FMR1NB: variants seen among roughly 807,000 people sequenced by gnomAD.
The protein encoded by FMR1NB is FMR1 neighbor protein.
Under a neutral mutation model 16.8 loss-of-function variants are expected in FMR1NB, and 10 were observed. The observed-to-expected ratio is 0.60, with a 90% CI of 0.37 to 1.01. The LOEUF (loss-of-function observed/expected upper bound fraction) is 1.01, where lower values mean the gene tolerates loss of function less well. Ranked by LOEUF, FMR1NB falls within the 50% of genes least tolerant of loss-of-function variation. The pLI, the probability that FMR1NB is intolerant of heterozygous loss-of-function variation, is 0.01. For missense variants in FMR1NB, 205 were observed against 204.8 expected, an observed-to-expected ratio of 1.00 and a Z score of 0.00; for synonymous variants, 83 against 79.1, an observed-to-expected ratio of 1.05 and a Z score of -0.26.
chrX:147,994,188 C>T (rs978367493), intron 1 of FMR1NB, among the ~76,000 whole-genome samples: 3 of 111,336 alleles, frequency 2.7e-5, no homozygotes, highest in African/African-American at 9.8e-5. Flanking sequence ...TTTCTCCCTG[C>T]TCTCCCTAGA....
intron 1 of FMR1NB, among the ~76,000 whole-genome samples, chrX:147,989,760 T>C (rs2044494821): frequency 9.0e-6 from 1 of 111,370 alleles, no homozygotes; most frequent in African/African-American, 3.3e-5. Flanking sequence ...ACAGCTGTTT[T>C]GCCACACTGT....
chrX:147,992,233 G>C (rs1557187705), intron 1 of FMR1NB, among the ~76,000 whole-genome samples: 2 of 99,904 alleles, frequency 2.0e-5, no homozygotes, highest in Admixed American at 1.0e-4. Context: ...CAGTAGGGGT[G>C]GCTGGGCAGA....
At chrX:148,011,552 C>T (rs537649806) in intron 4 of FMR1NB, among the ~76,000 whole-genome samples, 4 of 110,492 alleles carry the variant, frequency 3.6e-5, no homozygotes, top group South Asian at 7.6e-4. Flanking sequence ...CAATATAAGA[C>T]GAAAATAATT....
In FMR1NB at chrX:148,017,670, C is replaced by G. The variant is rs782116320; in HGVS notation, c.633-7195C>G. Among the ~76,000 whole-genome samples, 652 of 99,747 alleles carry G rather than the reference C, an allele frequency of 6.5e-3. 5 individuals carry two copies. The highest frequency in any genetic ancestry group is 0.023 in the African/African-American group (634 of 27,183). 86.6% of individuals were successfully genotyped at this position (99,747 alleles called of 115,157 possible). On this transcript the variant is annotated intron_variant, in intron 4 of 5. Transcript: ENST00000370467. ...GCTGCACCCACATTAGGTATATCTC[C>G]CAATGCTATCCCTCCCCCCTCCCCC...
At chrX:148,020,794 T>G (rs781900087) in intron 4 of FMR1NB, among the ~76,000 whole-genome samples, 2 of 111,918 alleles carry the variant, frequency 1.8e-5, no homozygotes, top group Admixed American at 1.9e-4. Context: ...CTCTTCCCTC[T>G]CCTCTTCTGA....
chrX:148,025,124 T>C (rs934015319), intron 5 of FMR1NB, 111 bp downstream of exon 5: 38 of 860,139 alleles, frequency 4.4e-5, no homozygotes, highest in Non-Finnish European at 5.5e-5. Context: ...ACCACACAAA[T>C]GTTTGGATCA....
intron 1 of FMR1NB, among the ~76,000 whole-genome samples, chrX:147,992,043 C>T (rs2044508695): frequency 8.9e-6 from 1 of 112,016 alleles, no homozygotes; most frequent in South Asian, 3.6e-4. Context: ...AATGAAAAGT[C>T]TCCCATGTCT....
Position 147,981,565 on chromosome X carries a change from C to A in FMR1NB, c.163C>A (p.Pro55Thr), listed in dbSNP as rs201821792. Residue 55 changes from proline (P) to threonine (T), a missense_variant, in exon 1 of 6, where the codon CCA (proline) becomes ACA (threonine). Physicochemically the swap from Pro to Thr is conservative, Grantham distance 38. Coordinates refer to ENST00000370467, the MANE Select transcript of FMR1NB (RefSeq NM_152578.3). ...GGCCGCCATGGCTGACAGGCCTCAGCCAGGATGGCGGGAATCTCTAAAGAT... is the reference window on the plus strand; with the variant it reads ...GGCCGCCATGGCTGACAGGCCTCAGACAGGATGGCGGGAATCTCTAAAGAT... The part of the protein sequence containing the change: ...YEAAMADRPQ[P>T]GWRESLKMRV... The A allele has an allele frequency of 1.7e-6, 2 of 1,210,039 alleles. No homozygotes were observed. Among genetic ancestry groups the A allele is most frequent in the East Asian group, 5.9e-5 (2 of 33,697 alleles).
chrX:148,021,668 G>A (rs1308588239), intron 4 of FMR1NB, among the ~76,000 whole-genome samples: 1 of 110,719 alleles, frequency 9.0e-6, no homozygotes, highest in African/African-American at 3.3e-5. Flanking sequence ...CTCATCCTTG[G>A]CCACCCAGTT....
At chrX:147,992,199 C>T (rs1387659228) in intron 1 of FMR1NB, among the ~76,000 whole-genome samples, 5 of 107,057 alleles carry the variant, frequency 4.7e-5, no homozygotes, top group East Asian at 3.0e-4. Context: ...GGGTGGTGGC[C>T]GGGCAGAGGG....
Position 148,008,692 on chromosome X carries a change from C to T in FMR1NB, c.613C>T (p.Arg205Cys), listed in dbSNP as rs371399481. 5.8e-6 allele frequency: 7 copies of T among 1,211,055 alleles called. No individual in the cohort carries two copies. Among genetic ancestry groups the T allele is most frequent in the East Asian group, 3.0e-5 (1 of 33,827 alleles). ...CCTGGTATGTCTGCCCATTTATTGC[C>T]GCTCTCTTTTCTGGAGGAGGTAGGT... The part of the protein sequence containing the change: ...LILVCLPIYC[R>C]SLFWRSEPAD... The change falls in exon 4 of 6, where the codon CGC becomes TGC. Residue 205 changes from arginine (R) to cysteine (C), a missense_variant. Physicochemically the swap from Arg to Cys is radical, Grantham distance 180. Transcript: ENST00000370467.
intron 1 of FMR1NB, among the ~76,000 whole-genome samples, chrX:148,002,896 C>T (rs2044578026): frequency 8.9e-6 from 1 of 112,244 alleles, no homozygotes. Context: ...CTGTTTTCAG[C>T]TCATCAGTTG....
chrX:148,004,331 C>T lies in FMR1NB; in HGVS notation c.397+1011C>T, dbSNP rs1401484269. On this transcript the variant is annotated intron_variant, in intron 2 of 5. Coordinates refer to ENST00000370467, the MANE Select transcript of FMR1NB (RefSeq NM_152578.3). ...ACAGATGTAAACAGTCACATACTTACCTGTAATAACTACATTGTACAGACA... is the reference window on the plus strand; with the variant it reads ...ACAGATGTAAACAGTCACATACTTATCTGTAATAACTACATTGTACAGACA... 4.5e-5 allele frequency among the ~76,000 whole-genome samples: 5 copies of T among 112,189 alleles called. No individual in the cohort carries two copies. In the South Asian group the frequency reaches 1.5e-3, roughly 33 times the overall value.
chrX:147,999,244 A>G (rs1327189579), intron 1 of FMR1NB, among the ~76,000 whole-genome samples: 1 of 111,835 alleles, frequency 8.9e-6, no homozygotes, highest in Non-Finnish European at 1.9e-5. Context: ...CTTAGGATGG[A>G]GACTTGGGCC....
At chrX:148,016,187 A>C (rs868940662) in intron 4 of FMR1NB, among the ~76,000 whole-genome samples, 3 of 107,872 alleles carry the variant, frequency 2.8e-5, no homozygotes, top group Middle Eastern at 4.8e-3. Context: ...TTTTCAGTCT[A>C]TATGTGTCTT....
chrX:147,986,392 C>A (rs1175724239), intron 1 of FMR1NB, among the ~76,000 whole-genome samples: 4 of 112,008 alleles, frequency 3.6e-5, no homozygotes, highest in Non-Finnish European at 7.5e-5. Context: ...GAAGCCTTTG[C>A]CCATGCCTCT....
At chrX:148,004,335 T>A (rs2044585459) in intron 2 of FMR1NB, among the ~76,000 whole-genome samples, 1 of 112,284 alleles carries the variant, frequency 8.9e-6, no homozygotes, top group Non-Finnish European at 1.9e-5. Flanking sequence ...TACTTACCTG[T>A]AATAACTACA....
intron 4 of FMR1NB, among the ~76,000 whole-genome samples, chrX:148,018,109 C>T (rs1217780031): frequency 1.8e-5 from 2 of 109,709 alleles, no homozygotes; most frequent in Non-Finnish European, 3.8e-5. Flanking sequence ...CCTGAGGAAT[C>T]GCCACACTGA....
intron 4 of FMR1NB, among the ~76,000 whole-genome samples, chrX:148,010,555 C>G (rs2044618704): frequency 9.0e-6 from 1 of 111,690 alleles, no homozygotes; most frequent in Non-Finnish European, 1.9e-5. Context: ...ACTTTCTGTT[C>G]TCCATTTCAA....
Sources: gnomAD v4.1 joint callset for allele counts (sites outside exome capture counted in the v4.1 genomes callset) on GRCh38, gnomAD v4.1.1 for gene constraint, MANE v1.5 for transcripts, NCBI Gene and HGNC (gene_info 2026-07-23, HGNC 2026-07-21) for gene names.